Variants in ANO3 observed in about 807,000 individuals in gnomAD.
The protein encoded by ANO3 is anoctamin-3.
Under a neutral mutation model 144.8 loss-of-function variants are expected in ANO3, and 99 were observed. The observed-to-expected ratio is 0.68, with a 90% CI of 0.58 to 0.81. The LOEUF (loss-of-function observed/expected upper bound fraction) is 0.81, where lower values mean the gene tolerates loss of function less well. ANO3 is among the 30% of genes least tolerant of loss of function. ANO3 has a pLI of 0.00. For missense variants in ANO3, 905 were observed against 1,202.2 expected (o/e 0.75, Z 3.66); for synonymous variants, 414 against 392.6 (o/e 1.05, Z -0.64).
chr11:26,368,608 T>A (rs920715968), intron 1 of ANO3, among the ~76,000 whole-genome samples: 1 of 151,190 alleles, frequency 6.6e-6, no homozygotes, highest in African/African-American at 2.4e-5. Flanking sequence ...AGAGACAGAT[T>A]GAGAGATAGA....
chr11:26,203,255 C>T (rs930671391), intron 1 of ANO3, among the ~76,000 whole-genome samples: 1 of 152,128 alleles, frequency 6.6e-6, no homozygotes, highest in African/African-American at 2.4e-5. Context: ...TTAGAAAGTA[C>T]AGAAATAATA....
At chr11:26,206,526 G>C (rs1388462539) in intron 1 of ANO3, among the ~76,000 whole-genome samples, 1 of 152,090 alleles carries the variant, frequency 6.6e-6, no homozygotes, top group Non-Finnish European at 1.5e-5. Context: ...GAAAAGACAA[G>C]GTGGTGTAGG....
At chr11:26,642,735 A>C (rs1853208199) in intron 22 of ANO3, among the ~76,000 whole-genome samples, 1 of 151,728 alleles carries the variant, frequency 6.6e-6, no homozygotes, top group Admixed American at 6.6e-5. Flanking sequence ...CTTTGCACAG[A>C]CTCCGTCTGA....
intron 1 of ANO3, among the ~76,000 whole-genome samples, chr11:26,209,233 G>C (rs1387013474): frequency 6.6e-6 from 1 of 152,156 alleles, no homozygotes; most frequent in Non-Finnish European, 1.5e-5. Context: ...ATATCAGTGA[G>C]AACATGCAGA....
chr11:26,470,394 A>C (rs1859736731), intron 4 of ANO3, among the ~76,000 whole-genome samples: 1 of 150,732 alleles, frequency 6.6e-6, no homozygotes, highest in South Asian at 2.1e-4. Flanking sequence ...CCTGAGAGAG[A>C]GAGAGAGAGG....
chr11:26,216,856 ATCT>A (rs1468453732), intron 1 of ANO3, among the ~76,000 whole-genome samples: 3 of 151,942 alleles, frequency 2.0e-5, no homozygotes, highest in African/African-American at 4.8e-5. Flanking sequence ...TTGCCATCTG[ATCT>A]TCTTTTTTGG....
chr11:26,389,766 G>A (rs1212219748), intron 1 of ANO3, among the ~76,000 whole-genome samples: 1 of 151,930 alleles, frequency 6.6e-6, no homozygotes, highest in Non-Finnish European at 1.5e-5. Flanking sequence ...TTTTGAAAAG[G>A]TATTATTTTC....
chr11:26,249,683 A>G (rs1564933619), intron 1 of ANO3, among the ~76,000 whole-genome samples: 1 of 152,154 alleles, frequency 6.6e-6, no homozygotes, highest in Non-Finnish European at 1.5e-5. Flanking sequence ...ATAAATTTGT[A>G]CAAATTAACA....
chr11:26,395,267 T>C (rs545926978), intron 1 of ANO3, among the ~76,000 whole-genome samples: 6 of 149,784 alleles, frequency 4.0e-5, no homozygotes, highest in Non-Finnish European at 5.9e-5. Flanking sequence ...GGTTCTTTTA[T>C]GGTTCCATAT....
At chr11:26,223,008 G>T (rs1204822759) in intron 1 of ANO3, among the ~76,000 whole-genome samples, 1 of 151,572 alleles carries the variant, frequency 6.6e-6, no homozygotes, top group East Asian at 1.9e-4. Flanking sequence ...GCAAGTAGTT[G>T]CTCTGCAGCC....
At chr11:26,605,560 CT>C (rs1185744963) in intron 17 of ANO3, among the ~76,000 whole-genome samples, 2 of 152,020 alleles carry the variant, frequency 1.3e-5, no homozygotes, top group Non-Finnish European at 2.9e-5. Context: ...TGGTCCTGGG[CT>C]TTTTTTGGTT....
At chr11:26,283,331 T>C (rs1232350279) in intron 1 of ANO3, among the ~76,000 whole-genome samples, 4 of 57,226 alleles carry the variant, frequency 7.0e-5, no homozygotes, top group African/African-American at 2.9e-4. Context: ...AATATATATA[T>C]ATATATATAT....
chr11:26,250,127 T>C (rs961495967), intron 1 of ANO3, among the ~76,000 whole-genome samples: 1 of 152,218 alleles, frequency 6.6e-6, no homozygotes, highest in Non-Finnish European at 1.5e-5. Context: ...TAAGCTAGCA[T>C]ACAAAATATT....
At chr11:26,264,558 A>C (rs1269792947) in intron 1 of ANO3, among the ~76,000 whole-genome samples, 3 of 152,182 alleles carry the variant, frequency 2.0e-5, no homozygotes, top group Non-Finnish European at 4.4e-5. Context: ...GGGATACCTC[A>C]TATTTCTTAT....
chr11:26,598,330 T>G, intron 14 of ANO3, 35 bp from the exon 15 acceptor site: 1 of 1,212,322 alleles, frequency 8.2e-7, no homozygotes, highest in Non-Finnish European at 1.1e-6. Flanking sequence ...TATGATGTGA[T>G]TTGGGTAAAG....
At chr11:26,234,076 C>T (rs1203842462) in intron 1 of ANO3, among the ~76,000 whole-genome samples, 2 of 152,102 alleles carry the variant, frequency 1.3e-5, no homozygotes, top group Non-Finnish European at 1.5e-5. Context: ...CAAGCCTGCA[C>T]GTTCTGCACA....
intron 1 of ANO3, among the ~76,000 whole-genome samples, chr11:26,258,744 A>G (rs1369901140): frequency 6.6e-6 from 1 of 152,216 alleles, no homozygotes; most frequent in African/African-American, 2.4e-5. Flanking sequence ...TATTAAATCT[A>G]TACAGTTTAG....
At chr11:26,569,089 G>T (rs964820866) in intron 14 of ANO3, among the ~76,000 whole-genome samples, 1 of 151,772 alleles carries the variant, frequency 6.6e-6, no homozygotes, top group Non-Finnish European at 1.5e-5. Flanking sequence ...TTCATTACCT[G>T]CCTGTAATGA....
intron 1 of ANO3, among the ~76,000 whole-genome samples, chr11:26,416,549 C>G (rs1422320357): frequency 6.6e-6 from 1 of 151,952 alleles, no homozygotes; most frequent in African/African-American, 2.4e-5. Context: ...GCATCAACCT[C>G]CCGAGTAGCT....
Sources: gnomAD v4.1 joint callset for allele counts (sites outside exome capture counted in the v4.1 genomes callset) on GRCh38, gnomAD v4.1.1 for gene constraint, MANE v1.5 for transcripts, NCBI Gene and HGNC (gene_info 2026-07-23, HGNC 2026-07-21) for gene names.